PCDHA1: variants seen among roughly 807,000 people sequenced by gnomAD.
PCDHA1 encodes protocadherin alpha-1.
PCDHA1 carries 42 observed loss-of-function variants against 61.3 expected under a neutral mutation model. The ratio of observed to expected loss-of-function variants is 0.69; its 90% confidence interval spans 0.54 to 0.89. The LOEUF (loss-of-function observed/expected upper bound fraction) is 0.89. PCDHA1 is among the 40% of genes least tolerant of loss of function. The probability of loss-of-function intolerance (pLI) is 0.00; values close to 1 mark genes in which losing one functional copy is unlikely to be tolerated. For missense variants in PCDHA1, 1,256 were observed against 1,235.3 expected (o/e 1.02, Z -0.25); for synonymous variants, 610 against 553.8 (o/e 1.10, Z -1.43).
intron 1 of PCDHA1, chr5:140,930,401 T>G (rs1554207785): frequency 6.6e-6 from 1 of 152,210 alleles, no homozygotes; most frequent in African/African-American, 2.4e-5. Context: ...TTCTTTTTTT[T>G]TTTTGAGACA....
At chr5:140,829,136 G>C in intron 1 of PCDHA1, 12 of 1,613,236 alleles carry the variant, frequency 7.4e-6, no homozygotes, top group Non-Finnish European at 1.0e-5. Context: ...TAACGTCCCT[G>C]AGATAGCACT....
chr5:140,796,342 T>C, intron 1 of PCDHA1: 2 of 1,608,734 alleles, frequency 1.2e-6, no homozygotes, highest in East Asian at 2.2e-5. Flanking sequence ...ACAGCCTGAG[T>C]ACACAGTATT....
intron 2 of PCDHA1, among the ~76,000 whole-genome samples, chr5:140,979,601 C>T (rs1214449101): frequency 1.3e-5 from 2 of 152,160 alleles, no homozygotes; most frequent in African/African-American, 4.8e-5. Context: ...TTTAAATTAA[C>T]CTAGAGTAAC....
At chr5:140,869,529 T>G (rs2051206211) in intron 1 of PCDHA1, 2 of 1,614,166 alleles carry the variant, frequency 1.2e-6, no homozygotes, top group Non-Finnish European at 1.7e-6. Context: ...AGCTGCTGAT[T>G]GCGGAATCTA....
intron 1 of PCDHA1, chr5:140,828,867 C>A: frequency 1.9e-6 from 3 of 1,614,214 alleles, no homozygotes; most frequent in South Asian, 1.1e-5. Flanking sequence ...GACAACGGAA[C>A]AACAGTTATC....
chr5:140,877,457 C>T lies in PCDHA1; in HGVS notation c.2394+88773C>T, dbSNP rs73263833. On this transcript the variant is annotated intron_variant, in intron 1 of 3. Coordinates refer to ENST00000504120, the MANE Select transcript of PCDHA1 (RefSeq NM_018900.4). ...CACGGTGAGCCCGCGCTGACGTCCACGGCCACGGTGCTGGTGTCGCTGGTG... is the reference window on the plus strand; with the variant it reads ...CACGGTGAGCCCGCGCTGACGTCCATGGCCACGGTGCTGGTGTCGCTGGTG... 1.0e-3 allele frequency: 1,615 copies of T among 1,613,806 alleles called. 8 individuals carry two copies. The African/African-American group carries it at 0.018, about 18-fold the overall frequency.
chr5:140,927,366 A>G (rs782348018), intron 1 of PCDHA1: 29 of 1,614,088 alleles, frequency 1.8e-5, no homozygotes, highest in Admixed American at 1.7e-4. Context: ...GCAATGGGAT[A>G]CTAAGCTACA....
chr5:140,796,344 C>T, intron 1 of PCDHA1: 1 of 1,611,278 alleles, frequency 6.2e-7, no homozygotes, highest in Admixed American at 1.7e-5. Context: ...AGCCTGAGTA[C>T]ACAGTATTCG....
At chr5:140,921,961 C>T (rs528457864) in intron 1 of PCDHA1, among the ~76,000 whole-genome samples, 88 of 151,252 alleles carry the variant, frequency 5.8e-4, no homozygotes, top group Non-Finnish European at 9.1e-4. Context: ...TCCCAGAAAA[C>T]CAAAGGAAAA....
intron 1 of PCDHA1, chr5:140,870,868 G>C (rs550915753): frequency 1.2e-6 from 2 of 1,613,944 alleles, no homozygotes; most frequent in Non-Finnish European, 1.7e-6. Context: ...TGCGGGCCAC[G>C]TGGTGGCGAA....
intron 1 of PCDHA1, chr5:140,821,684 A>C: frequency 7.4e-7 from 1 of 1,353,542 alleles, no homozygotes; most frequent in Non-Finnish European, 1.0e-6. Flanking sequence ...AAAGGCGATA[A>C]TATAAAAAAT....
rs2098419589 is a variant in PCDHA1 at position 141,011,142 on chromosome 5, C to A, written c.*1205C>A. 1 of 153,660 alleles carries A rather than the reference C, an allele frequency of 6.5e-6. No individual in the cohort carries two copies. The highest frequency in any genetic ancestry group is 2.1e-4 in the South Asian group (1 of 4,820). 9.5% of individuals were successfully genotyped at this position (153,660 alleles called of 1,614,324 possible). On this transcript the variant is annotated 3_prime_UTR_variant, in exon 4 of 4. Transcript: ENST00000504120. ...CAATTATGTGCACTTTGATACACAA[C>A]CTTCTCTAACCAACTATATATCAAG...
chr5:140,833,083 G>A (rs1348346830), intron 1 of PCDHA1, among the ~76,000 whole-genome samples: 5 of 152,168 alleles, frequency 3.3e-5, no homozygotes, highest in African/African-American at 9.7e-5. Flanking sequence ...ATAACTTTGA[G>A]TACTAGACGA....
chr5:140,796,756 G>T (rs782228183), intron 1 of PCDHA1: 5 of 1,614,034 alleles, frequency 3.1e-6, no homozygotes, highest in Non-Finnish European at 4.2e-6. Context: ...GCGCGCAGTG[G>T]ACGCTGACTC....
At chr5:140,858,899 C>T (rs1236968449) in intron 1 of PCDHA1, 4 of 203,942 alleles carry the variant, frequency 2.0e-5, no homozygotes, top group Non-Finnish European at 3.0e-5. Flanking sequence ...ATATGTGTAG[C>T]GTACCACAGC....
intron 1 of PCDHA1, among the ~76,000 whole-genome samples, chr5:140,962,085 C>T (rs565561726): frequency 2.0e-5 from 3 of 151,950 alleles, no homozygotes; most frequent in Non-Finnish European, 4.4e-5. Context: ...CGGGGTTTCA[C>T]CATGTTAGCC....
At chr5:140,924,811 C>A (rs1209918868) in intron 1 of PCDHA1, among the ~76,000 whole-genome samples, 6 of 151,654 alleles carry the variant, frequency 4.0e-5, no homozygotes, top group Admixed American at 3.3e-4. Context: ...AAGAGAATCG[C>A]TTGAACCTGG....
At chr5:140,883,756 G>A (rs1404911116) in intron 1 of PCDHA1, 7 of 1,612,950 alleles carry the variant, frequency 4.3e-6, no homozygotes, top group Non-Finnish European at 5.1e-6. Flanking sequence ...CGCTGGTGGA[G>A]CGGCGGGTGG....
At position 140,884,772 on chromosome 5, in the gene PCDHA1, T is replaced by G. The variant is rs563372954; in HGVS notation, c.2395-94177T>G. 1.9e-5 allele frequency: 27 copies of G among 1,409,818 alleles called. No homozygotes were observed. In the African/African-American group the frequency reaches 3.6e-4, roughly 19 times the overall value. The allele number at this position is 1,409,818 out of a possible 1,614,324, so 87.3% of individuals were successfully genotyped here. On this transcript the variant is annotated intron_variant, in intron 1 of 3. Transcript: ENST00000504120. Reference sequence around the variant, plus strand: ...TTCAAATTATTCTTTACTTTAATTTTAATTTTGCTAGTTGTTATCGAATTT... The same window carrying G: ...TTCAAATTATTCTTTACTTTAATTTGAATTTTGCTAGTTGTTATCGAATTT...
Sources: allele counts gnomAD v4.1 joint callset (sites outside exome capture counted in the v4.1 genomes callset), GRCh38; gene constraint gnomAD v4.1.1; transcripts MANE v1.5; gene names NCBI Gene and HGNC (gene_info 2026-07-23, HGNC 2026-07-21).